Variants in ABLIM2 observed in about 807,000 individuals in gnomAD.
The protein encoded by ABLIM2 is actin binding LIM protein family member 2.
A neutral mutation model predicts 97.7 loss-of-function variants in ABLIM2; 53 were observed. That is an observed-to-expected ratio of 0.54 (90% CI 0.44 to 0.68). ABLIM2 has a LOEUF of 0.68. Ranked by LOEUF, ABLIM2 falls within the 30% of genes least tolerant of loss-of-function variation. The probability of loss-of-function intolerance (pLI) is 0.00; values close to 1 mark genes in which losing one functional copy is unlikely to be tolerated. For synonymous variants in ABLIM2, 361 were observed against 345.8 expected (o/e 1.04, Z -0.49); for missense variants, 835 against 867.2 (o/e 0.96, Z 0.47).
At chr4:8,151,880 A>G (rs1712962318) in intron 1 of ABLIM2, among the ~76,000 whole-genome samples, 4 of 148,230 alleles carry the variant, frequency 2.7e-5, no homozygotes, top group Non-Finnish European at 6.0e-5. Flanking sequence ...GTCGGAGCAG[A>G]GGGTCAGGGT....
intron 16 of ABLIM2, chr4:8,006,914 G>T: frequency 1.6e-6 from 1 of 620,104 alleles, no homozygotes; most frequent in Non-Finnish European, 2.0e-6. Flanking sequence ...CATCAGCCTT[G>T]TGCCTGAATG....
In ABLIM2 at chr4:8,021,587, C is replaced by A. The variant is rs184245527; in HGVS notation, c.1268-1284G>T. Among the ~76,000 whole-genome samples, 16 of 152,332 alleles carry A rather than the reference C, an allele frequency of 1.1e-4. No individual in the cohort carries two copies. Among genetic ancestry groups the A allele is most frequent in the African/African-American group, 3.8e-4 (16 of 41,576 alleles). ...AAATGAAACAGAAATAGAACTTCTG[C>A]GGTGGGTGAGTGATGTGCTGGGCCT... On this transcript the variant is annotated intron_variant, in intron 12 of 20. Transcript: ENST00000447017. This position sits in a 1 kb window ranked among gnomAD's most constrained non-coding sequence, Gnocchi z 5.5.
intron 6 of ABLIM2, among the ~76,000 whole-genome samples, chr4:8,063,345 G>A (rs1427319508): frequency 6.6e-5 from 10 of 152,328 alleles, no homozygotes; most frequent in South Asian, 2.1e-4. Flanking sequence ...GATTATAGGC[G>A]TGAGCCACCG....
At chr4:7,981,877 G>A (rs1471675019) in intron 20 of ABLIM2, among the ~76,000 whole-genome samples, 2 of 151,752 alleles carry the variant, frequency 1.3e-5, no homozygotes, top group African/African-American at 4.8e-5. Context: ...TGCGTGCTCA[G>A]TGTTCCTGGT....
At chr4:7,978,522 C>T (rs1311723519) in intron 20 of ABLIM2, among the ~76,000 whole-genome samples, 1 of 152,222 alleles carries the variant, frequency 6.6e-6, no homozygotes, top group East Asian at 1.9e-4. Context: ...TCCCAACAGG[C>T]CCCTGGACGC....
chr4:8,073,346 A>G (rs924335089), intron 6 of ABLIM2, among the ~76,000 whole-genome samples: 2 of 151,140 alleles, frequency 1.3e-5, no homozygotes, highest in Non-Finnish European at 3.0e-5. Context: ...AGCAGAAGAC[A>G]AGGCCGCTGT....
chr4:8,139,253 GAATGGAAGGGAAGGGA>G (rs1850610721), intron 1 of ABLIM2, among the ~76,000 whole-genome samples: 11 of 146,008 alleles, frequency 7.5e-5, no homozygotes, highest in African/African-American at 2.7e-4. Context: ...GAGGGGAGGG[GAATGGAAGGGAAGGGA>G]AGGGAAGGGA....
chr4:8,039,448 GTT>G (rs575413704), intron 9 of ABLIM2, among the ~76,000 whole-genome samples: 22 of 152,310 alleles, frequency 1.4e-4, no homozygotes, highest in African/African-American at 5.3e-4. Flanking sequence ...CCTCAGACAG[GTT>G]GCTAAGTGGC....
Position 8,083,829 on chromosome 4 carries a change from G to A in ABLIM2, c.455-3027C>T, listed in dbSNP as rs1821483676. 6.6e-6 allele frequency among the ~76,000 whole-genome samples: 1 copy of A among 152,210 alleles called. No homozygotes were observed. The highest frequency in any genetic ancestry group is 2.4e-5 in the African/African-American group (1 of 41,458). On this transcript the variant is annotated intron_variant, in intron 4 of 20. Coordinates refer to ENST00000447017, the MANE Select transcript of ABLIM2 (RefSeq NM_001130083.2). The surrounding 1 kb of genome is among the most constrained non-coding windows in gnomAD (Gnocchi z 4.6). ...ATCCTGGTTGGCACTGCCATCAGCA[G>A]CAATGGCATAACCCTCCTAGAACCT... is the stretch of plus-strand genomic sequence containing the variant.
At chr4:7,983,586 T>C in intron 18 of ABLIM2, 32 bp from the exon 19 acceptor site, 4 of 1,611,292 alleles carry the variant, frequency 2.5e-6, no homozygotes, top group Non-Finnish European at 3.4e-6. Context: ...GACCACGAAA[T>C]GGTTTAGAAA....
At position 8,071,523 on chromosome 4, in the gene ABLIM2, C is replaced by A. The variant is rs560637180; in HGVS notation, c.675+6105G>T. 6.6e-6 allele frequency among the ~76,000 whole-genome samples: 1 copy of A among 152,186 alleles called. No homozygotes were observed. Among genetic ancestry groups the A allele is most frequent in the Non-Finnish European group, 1.5e-5 (1 of 68,012 alleles). On this transcript the variant is annotated intron_variant, in intron 6 of 20. Transcript: ENST00000447017. This position sits in a 1 kb window ranked among gnomAD's most constrained non-coding sequence, Gnocchi z 6.2. The stretch of plus-strand genomic sequence containing the variant: ...TTAGGATGGCACCATGCCCACCACA[C>A]GCAGACACAGCACAGGCGAGGGCTC...
Position 8,004,015 on chromosome 4 carries a change from A to C in ABLIM2, c.1618+4044T>G, listed in dbSNP as rs1368581046. ...AGGCTCTTCCTTCGACCACGGACTA[A>C]GGAACGCGAGAAGAACTCTTCTGCC... On this transcript the variant is annotated intron_variant, in intron 16 of 20. Coordinates refer to ENST00000447017, the MANE Select transcript of ABLIM2 (RefSeq NM_001130083.2). The surrounding 1 kb of genome is among the most constrained non-coding windows in gnomAD (Gnocchi z 5.9). Among the ~76,000 whole-genome samples the C allele has an allele frequency of 6.6e-6, 1 of 152,078 alleles. No individual in the cohort carries two copies. Among genetic ancestry groups the C allele is most frequent in the Non-Finnish European group, 1.5e-5 (1 of 68,018 alleles).
Position 7,972,145 on chromosome 4 carries a change from C to T in ABLIM2, c.1825-5042G>A, listed in dbSNP as rs114792839. On this transcript the variant is annotated intron_variant, in intron 20 of 20. Transcript: ENST00000447017. ...GCCATTGCCCCTCCAGGAGAGCCTTCCCTCCATACCCCGGGACCTCTTCCA... is the reference window on the plus strand; with the variant it reads ...GCCATTGCCCCTCCAGGAGAGCCTTTCCTCCATACCCCGGGACCTCTTCCA... Among the ~76,000 whole-genome samples, 914 of 152,316 alleles carry T rather than the reference C, an allele frequency of 6.0e-3. 5 individuals are homozygous for T. Among genetic ancestry groups the T allele is most frequent in the African/African-American group, 0.021 (868 of 41,584 alleles).
intron 12 of ABLIM2, among the ~76,000 whole-genome samples, chr4:8,027,456 G>T (rs2151124107): frequency 6.6e-6 from 1 of 152,322 alleles, no homozygotes; most frequent in African/African-American, 2.4e-5. Flanking sequence ...TGGTGACTTG[G>T]GTAGGGGTTC....
rs1755182415 is a variant in ABLIM2 at position 7,998,845 on chromosome 4, C to G, written c.1619-5918G>C. 6.6e-6 allele frequency among the ~76,000 whole-genome samples: 1 copy of G among 152,156 alleles called. No individual in the cohort carries two copies. Among genetic ancestry groups the G allele is most frequent in the Non-Finnish European group, 1.5e-5 (1 of 68,030 alleles). ...TCGCCAGGCCACTTTGCTGTTCCCA[C>G]CTTTAGAGTTGTCCTGTGACCAACC... On this transcript the variant is annotated intron_variant, in intron 16 of 20. Coordinates refer to ENST00000447017, the MANE Select transcript of ABLIM2 (RefSeq NM_001130083.2). The surrounding 1 kb of genome is among the most constrained non-coding windows in gnomAD (Gnocchi z 6.4).
Position 8,021,377 on chromosome 4 carries a change from T to C in ABLIM2, c.1268-1074A>G, listed in dbSNP as rs1405221832. Among the ~76,000 whole-genome samples, 1 of 152,044 alleles carries C rather than the reference T, an allele frequency of 6.6e-6. No homozygotes were observed. Among genetic ancestry groups the C allele is most frequent in the Non-Finnish European group, 1.5e-5 (1 of 67,996 alleles). ...ACAGATGCAGGGTATTGAATGCTTG[T>C]GATGAGAGAAGGTGTACGCTCCCTG... On this transcript the variant is annotated intron_variant, in intron 12 of 20. Coordinates refer to ENST00000447017, the MANE Select transcript of ABLIM2 (RefSeq NM_001130083.2). This position sits in a 1 kb window ranked among gnomAD's most constrained non-coding sequence, Gnocchi z 5.5.
At chr4:8,129,358 G>C (rs1849024880) in intron 1 of ABLIM2, among the ~76,000 whole-genome samples, 1 of 152,198 alleles carries the variant, frequency 6.6e-6, no homozygotes. Context: ...TGCACACCCA[G>C]CTCAGCTGCC....
chr4:8,156,040 A>G (rs926000591), intron 1 of ABLIM2, among the ~76,000 whole-genome samples: 34 of 152,264 alleles, frequency 2.2e-4, no homozygotes, highest in African/African-American at 7.9e-4. Flanking sequence ...GAGCAAATTA[A>G]CACAACCCCT....
At position 8,122,972 on chromosome 4, in the gene ABLIM2, C is replaced by T. The variant is rs10007723; in HGVS notation, c.11-16335G>A. On this transcript the variant is annotated intron_variant, in intron 1 of 20. Coordinates refer to ENST00000447017, the MANE Select transcript of ABLIM2 (RefSeq NM_001130083.2). The surrounding 1 kb of genome is among the most constrained non-coding windows in gnomAD (Gnocchi z 4.1). The stretch of plus-strand genomic sequence containing the variant: ...TGTCTGGGACCTGACCAGTGTGGGA[C>T]GTCTTCCCGGAGGTCGTGCCTGCCT... Among the ~76,000 whole-genome samples, 192 of 152,248 alleles carry T rather than the reference C, an allele frequency of 1.3e-3. 1 individual carries two copies. The highest frequency in any genetic ancestry group is 4.5e-3 in the African/African-American group (189 of 41,542).
Sources: allele counts gnomAD v4.1 joint callset (sites outside exome capture counted in the v4.1 genomes callset), GRCh38; gene constraint gnomAD v4.1.1; non-coding constraint Gnocchi (gnomAD v3.1); transcripts MANE v1.5; gene names NCBI Gene and HGNC (gene_info 2026-07-23, HGNC 2026-07-21).